The following GAREM2 variants were observed in gnomAD, a reference collection of about 807,000 sequenced individuals.
GAREM2 encodes GRB2 associated regulator of MAPK1 subtype 2.
GAREM2 carries 30 observed loss-of-function variants against 55.6 expected under a neutral mutation model. That is an observed-to-expected ratio of 0.54 (90% CI 0.40 to 0.73). GAREM2 has a LOEUF of 0.73. GAREM2 is among the 30% of genes least tolerant of loss of function. GAREM2 has a pLI of 0.00. For missense variants in GAREM2, 1,075 were observed against 1,257.7 expected, an observed-to-expected ratio of 0.85 and a Z score of 2.20; for synonymous variants, 550 against 569.1, an observed-to-expected ratio of 0.97 and a Z score of 0.48.
chr2:26,184,573 C>T lies in GAREM2; in HGVS notation c.725C>T (p.Pro242Leu), dbSNP rs1273274722. The change falls in exon 4 of 6, where the codon CCG (proline) becomes CTG (leucine). Residue 242 changes from proline to leucine, a missense_variant. Around this residue, in one of 6 missense-constraint regions of GAREM2, gnomAD observed 170 missense variants for 220.7 expected, o/e 0.77. Transcript: ENST00000401533. The part of the protein sequence containing the change: ...QCQGRFSTRS[P>L]LELQMQEGEH... Reference sequence around the variant, plus strand: ...CAGGGCCGCTTCAGCACTCGCAGCCCGCTGGAGCTGCAGATGCAAGAGGGC... The same window carrying T: ...CAGGGCCGCTTCAGCACTCGCAGCCTGCTGGAGCTGCAGATGCAAGAGGGC... The T allele has an allele frequency of 2.6e-6, 4 of 1,548,228 alleles. No homozygotes were observed. Among genetic ancestry groups the T allele is most frequent in the Non-Finnish European group, 3.5e-6 (4 of 1,146,076 alleles).
chr2:26,201,329 AAC>A, the GAREM2 span: 1 of 1,585,348 alleles, frequency 6.3e-7, no homozygotes, highest in South Asian at 1.1e-5. Flanking sequence ...ATCTAGAAAA[AAC>A]ACATTCCTAG....
At chr2:26,189,833 C>A (rs2147747151), downstream of GAREM2, among the ~76,000 whole-genome samples, 1 of 152,268 alleles carries the variant, frequency 6.6e-6, no homozygotes, top group African/African-American at 2.4e-5. Flanking sequence ...TTCTGCAGGG[C>A]CCTCGCCAGC....
At chr2:26,173,442 T>G in intron 1 of GAREM2, 110 bp downstream of exon 1, 32 of 474,766 alleles carry the variant, frequency 6.7e-5, no homozygotes, top group East Asian at 1.8e-4. Context: ...CCCTCCCAGC[T>G]CCCCGGCGTG....
At chr2:26,197,831 A>C in the GAREM2 span, 1 of 903,620 alleles carries the variant, frequency 1.1e-6, no homozygotes, top group East Asian at 2.4e-5. Context: ...AGATGATTAG[A>C]GGCCACATCA....
Position 26,188,457 on chromosome 2 carries a change from G to T in GAREM2, c.*200G>T. On this transcript the variant is annotated 3_prime_UTR_variant, in exon 6 of 6. Coordinates refer to ENST00000401533, the MANE Select transcript of GAREM2 (RefSeq NM_001168241.2). ...CCCCTGCACGGGACATCTTGCCTTT[G>T]AGTGTGCAGAGTACATGGGGAAGGG... The T allele has an allele frequency of 4.4e-6, 2 of 452,024 alleles. No homozygotes were observed. Among genetic ancestry groups the T allele is most frequent in the Non-Finnish European group, 3.9e-6 (1 of 258,728 alleles). The allele number at this position is 452,024 out of a possible 1,614,324, so 28.0% of individuals were successfully genotyped here. A position where few individuals can be genotyped will look rare whatever the true frequency, so the allele number is the denominator to read the frequency against.
chr2:26,186,420 G>C, intron 5 of GAREM2, 62 bp downstream of exon 5: 2 of 1,459,086 alleles, frequency 1.4e-6, no homozygotes. Flanking sequence ...GAAGGGTGAG[G>C]AGGGGGAACT....
chr2:26,192,177 C>A, downstream of GAREM2: 1 of 651,006 alleles, frequency 1.5e-6, no homozygotes, highest in South Asian at 1.8e-5. Context: ...ACGTGTATAC[C>A]TATGTAACAA....
In GAREM2 at chr2:26,173,343, C is replaced by A; in HGVS notation, c.112+11C>A. 2 of 1,353,992 alleles carry A rather than the reference C, an allele frequency of 1.5e-6. No individual in the cohort carries two copies. The highest frequency in any genetic ancestry group is 1.6e-5 in the South Asian group (1 of 61,860). The allele number at this position is 1,353,992 out of a possible 1,614,324, so 83.9% of individuals were successfully genotyped here. ...CCTGCCTTGGGCCAGGTACCGGGGTCGCTGGAGATGGGGACCGGGGTCCGC... is the reference window on the plus strand; with the variant it reads ...CCTGCCTTGGGCCAGGTACCGGGGTAGCTGGAGATGGGGACCGGGGTCCGC... On this transcript the variant is annotated intron_variant, in intron 1 of 5. Coordinates refer to ENST00000401533, the MANE Select transcript of GAREM2 (RefSeq NM_001168241.2).
intron 2 of GAREM2, among the ~76,000 whole-genome samples, chr2:26,178,535 G>A (rs1240386929): frequency 6.6e-6 from 1 of 152,098 alleles, no homozygotes; most frequent in African/African-American, 2.4e-5. Flanking sequence ...CCTACAGTGA[G>A]TTATGATGGT....
chr2:26,196,788 C>G, the GAREM2 span, among the ~76,000 whole-genome samples: 1 of 152,162 alleles, frequency 6.6e-6, no homozygotes. Context: ...GCAACGGCAT[C>G]GCCTGTACTG....
At chr2:26,191,140 C>T (rs952439873), downstream of GAREM2, 90 of 1,106,864 alleles carry the variant, frequency 8.1e-5, no homozygotes, top group Non-Finnish European at 1.0e-4. Context: ...AACCCAGTGC[C>T]GGAGTTTGTC....
chr2:26,188,113 G>A lies in GAREM2; in HGVS notation c.2481G>A (p.Val827=), dbSNP rs947214998. Residue 827 remains valine (V), a synonymous_variant, in exon 6 of 6, where the codon GTG becomes GTA. Coordinates refer to ENST00000401533, the MANE Select transcript of GAREM2 (RefSeq NM_001168241.2). The part of the protein sequence containing the change: ...SLRFIGLSED[V]VSFFARERID... ...GTTTCATCGGGCTCTCAGAGGATGT[G>A]GTGAGCTTCTTTGCCCGAGAACGCA... 2 of 1,551,342 alleles carry A rather than the reference G, an allele frequency of 1.3e-6. No individual in the cohort carries two copies. The highest frequency in any genetic ancestry group is 1.2e-5 in the South Asian group (1 of 83,922).
At chr2:26,191,692 G>C (rs1669510330), downstream of GAREM2, 1 of 1,548,238 alleles carries the variant, frequency 6.5e-7, no homozygotes, top group Non-Finnish European at 8.9e-7. Flanking sequence ...CAGAGCCGCA[G>C]ATGCAGAATG....
chr2:26,176,599 T>A (rs1668874587), intron 2 of GAREM2, 115 bp downstream of exon 2: 1 of 1,027,816 alleles, frequency 9.7e-7, no homozygotes, highest in Non-Finnish European at 1.3e-6. Context: ...AGGGTTAGGG[T>A]TGGAGTCAGA....
At chr2:26,196,050 T>C in the GAREM2 span, among the ~76,000 whole-genome samples, 1 of 152,258 alleles carries the variant, frequency 6.6e-6, no homozygotes, top group East Asian at 1.9e-4. Context: ...ATATCTGTAA[T>C]TTTTGGCTGC....
At position 26,188,033 on chromosome 2, in the gene GAREM2, C is replaced by A; in HGVS notation, c.2401C>A (p.Gln801Lys). The stretch of plus-strand genomic sequence containing the variant: ...TGGAGTCCGAGATGCCTCCTCCTGG[C>A]AGCCCCCTGCTGACCTGTCTGCACT... ...GFGVRDASSW[Q>K]PPADLSALSL... Residue 801 changes from glutamine to lysine, a missense_variant, in exon 6 of 6, where the codon CAG becomes AAG. Gln to Lys is a moderately conservative substitution (Grantham distance 53). This residue lies in a region of GAREM2 where 142 missense variants were observed against 172.3 expected (regional missense o/e 0.82). Coordinates refer to ENST00000401533, the MANE Select transcript of GAREM2 (RefSeq NM_001168241.2). The A allele has an allele frequency of 6.7e-7, 1 of 1,500,060 alleles. No homozygotes were observed. The highest frequency in any genetic ancestry group is 9.0e-7 in the Non-Finnish European group (1 of 1,115,808). 92.9% of individuals were successfully genotyped at this position (1,500,060 alleles called of 1,614,324 possible). A position where few individuals can be genotyped will look rare whatever the true frequency, so the allele number is the denominator to read the frequency against.
Position 26,176,424 on chromosome 2 carries a change from A to G in GAREM2, c.193A>G (p.Thr65Ala). 1 of 1,550,154 alleles carries G rather than the reference A, an allele frequency of 6.5e-7. No homozygotes were observed. The highest frequency in any genetic ancestry group is 8.7e-7 in the Non-Finnish European group (1 of 1,146,248). The change falls in exon 2 of 6, where the codon ACC becomes GCC. Residue 65 changes from threonine (T) to alanine (A), a missense_variant. Thr to Ala is a moderately conservative substitution (Grantham distance 58). Coordinates refer to ENST00000401533, the MANE Select transcript of GAREM2 (RefSeq NM_001168241.2). ...GCAGTGGACAACGGTGACAGCTCAT[A>G]CCCTGGAGGAGGGCCACTATGTCAT... ...CRQWTTVTAH[T>A]LEEGHYVIGP...
At position 26,184,723 on chromosome 2, in the gene GAREM2, T is replaced by G; in HGVS notation, c.875T>G (p.Val292Gly). ...CGGGAGGGTCATTGCTACAAGCTGG[T>G]TAGCATCATCTCCAAGACGGTGGTG... ...PVREGHCYKL[V>G]SIISKTVVLG... Residue 292 changes from valine (V) to glycine (G), a missense_variant, in exon 4 of 6, where the codon GTT becomes GGT. By Grantham distance (109) the Val-to-Gly change is moderately radical (BLOSUM62 -3). Transcript: ENST00000401533. The G allele has an allele frequency of 2.0e-6, 3 of 1,530,330 alleles. No homozygotes were observed. The highest frequency in any genetic ancestry group is 2.6e-6 in the Non-Finnish European group (3 of 1,141,278). 94.8% of individuals were successfully genotyped at this position (1,530,330 alleles called of 1,614,324 possible).
chr2:26,177,223 A>G (rs914507784), intron 2 of GAREM2, among the ~76,000 whole-genome samples: 6 of 152,104 alleles, frequency 3.9e-5, no homozygotes, highest in Non-Finnish European at 8.8e-5. Flanking sequence ...AGGTATCTCA[A>G]CTGAGGGCTG....
Sources: allele counts gnomAD v4.1 joint callset (sites outside exome capture counted in the v4.1 genomes callset), GRCh38; gene constraint gnomAD v4.1.1; regional missense constraint gnomAD v4.1.1; transcripts MANE v1.5; gene names NCBI Gene and HGNC (gene_info 2026-07-23, HGNC 2026-07-21).